The following ERBB4 variants were observed in gnomAD, a reference collection of about 807,000 sequenced individuals.
ERBB4 encodes the protein erb-b2 receptor tyrosine kinase 4.
In ERBB4, 42 loss-of-function variants were observed where a neutral mutation model predicts 158.0. The ratio of observed to expected loss-of-function variants is 0.27; its 90% CI spans 0.21 to 0.34. ERBB4 has a LOEUF of 0.34. ERBB4 is among the 10% of genes least tolerant of loss of function. The pLI, the probability that ERBB4 is intolerant of heterozygous loss-of-function variation, is 1.00. For synonymous variants in ERBB4, 583 were observed against 558.7 expected, an observed-to-expected ratio of 1.04 and a Z score of -0.61; for missense variants, 1,333 against 1,624.1, an observed-to-expected ratio of 0.82 and a Z score of 3.08.
intron 1 of ERBB4, among the ~76,000 whole-genome samples, chr2:212,288,828 C>G (rs1287705185): frequency 6.6e-6 from 1 of 152,052 alleles, no homozygotes; most frequent in Non-Finnish European, 1.5e-5. Flanking sequence ...GAGTTTCCCA[C>G]CAAGACTACC....
intron 15 of ERBB4, among the ~76,000 whole-genome samples, chr2:211,663,591 T>C (rs2071512434): frequency 6.6e-6 from 1 of 152,018 alleles, no homozygotes; most frequent in African/African-American, 2.4e-5. Context: ...CCACTATATA[T>C]GTTTATTATT....
At chr2:212,333,349 C>G (rs1480394200) in intron 1 of ERBB4, among the ~76,000 whole-genome samples, 2 of 146,676 alleles carry the variant, frequency 1.4e-5, no homozygotes, top group Non-Finnish European at 3.0e-5. Flanking sequence ...AAAACCTGTC[C>G]ACACAAAAGC....
intron 25 of ERBB4, among the ~76,000 whole-genome samples, chr2:211,415,468 C>T (rs1446521076): frequency 1.3e-5 from 2 of 152,074 alleles, no homozygotes; most frequent in Non-Finnish European, 2.9e-5. Context: ...TATCATTTTG[C>T]TCAAACTTCT....
Position 211,388,491 on chromosome 2 carries a change from C to T in ERBB4, c.3136-499G>A, listed in dbSNP as rs913003532. 2.6e-5 allele frequency among the ~76,000 whole-genome samples: 4 copies of T among 151,936 alleles called. No homozygotes were observed. In the South Asian group the frequency reaches 8.3e-4, roughly 31 times the overall value. On this transcript the variant is annotated intron_variant, in intron 25 of 27. Transcript: ENST00000342788. Reference sequence around the variant, plus strand: ...CTATCAAGCTACATTTATTTTTCACCACTTCAGCAAAAGGTAAACTCCTTA... The same window carrying T: ...CTATCAAGCTACATTTATTTTTCACTACTTCAGCAAAAGGTAAACTCCTTA...
chr2:211,653,807 T>C (rs1559384302), intron 16 of ERBB4, among the ~76,000 whole-genome samples: 1 of 152,008 alleles, frequency 6.6e-6, no homozygotes, highest in Admixed American at 6.6e-5. Flanking sequence ...CTTGAGTAGC[T>C]GGGACTACAG....
At chr2:211,910,944 A>G (rs1188114196) in intron 3 of ERBB4, among the ~76,000 whole-genome samples, 1 of 152,156 alleles carries the variant, frequency 6.6e-6, no homozygotes, top group Non-Finnish European at 1.5e-5. Flanking sequence ...TTCATACTTG[A>G]CAAAACAGAA....
chr2:212,169,066 C>G (rs899128124), intron 1 of ERBB4, among the ~76,000 whole-genome samples: 1 of 152,106 alleles, frequency 6.6e-6, no homozygotes, highest in Non-Finnish European at 1.5e-5. Flanking sequence ...GTCATTTATA[C>G]TTGGAGAATA....
chr2:212,314,521 C>A (rs1056884178), intron 1 of ERBB4, among the ~76,000 whole-genome samples: 5 of 150,348 alleles, frequency 3.3e-5, no homozygotes, highest in East Asian at 3.9e-4. Context: ...TCTTATCAAG[C>A]CTCAAAAATT....
chr2:211,810,608 C>T (rs1376365626), intron 3 of ERBB4, among the ~76,000 whole-genome samples: 8 of 150,954 alleles, frequency 5.3e-5, no homozygotes, highest in African/African-American at 9.7e-5. Flanking sequence ...ATGGGTCTCC[C>T]GAATACAACA....
At chr2:212,383,985 G>A (rs2090593732) in intron 1 of ERBB4, among the ~76,000 whole-genome samples, 1 of 151,422 alleles carries the variant, frequency 6.6e-6, no homozygotes, top group Admixed American at 6.6e-5. Context: ...TTGATCTTGT[G>A]CACGAATTTT....
intron 1 of ERBB4, among the ~76,000 whole-genome samples, chr2:212,527,255 A>C (rs1337480034): frequency 6.6e-6 from 1 of 152,148 alleles, no homozygotes; most frequent in African/African-American, 2.4e-5. Context: ...TCTAAAAATT[A>C]TCTCTATATA....
chr2:212,160,468 A>C (rs1487910134), intron 1 of ERBB4, among the ~76,000 whole-genome samples: 1 of 152,000 alleles, frequency 6.6e-6, no homozygotes, highest in Non-Finnish European at 1.5e-5. Context: ...CTTTTTTTAA[A>C]ATCTGTATCA....
intron 1 of ERBB4, among the ~76,000 whole-genome samples, chr2:212,286,594 C>CTTTTTTTTTTTTTTTT (rs71054190): frequency 3.6e-5 from 2 of 55,540 alleles, no homozygotes; most frequent in African/African-American, 1.2e-4. Flanking sequence ...TAAGTGCTGA[C>CTTTTTTTTTTTTTTTT]TTTTTTTTTT....
chr2:211,494,897 T>C (rs1201317137), intron 20 of ERBB4, among the ~76,000 whole-genome samples: 1 of 152,106 alleles, frequency 6.6e-6, no homozygotes, highest in African/African-American at 2.4e-5. Context: ...ATAGGAAATA[T>C]GCCAAAATTT....
intron 1 of ERBB4, among the ~76,000 whole-genome samples, chr2:212,268,557 T>G (rs931059862): frequency 4.6e-5 from 7 of 151,932 alleles, no homozygotes; most frequent in African/African-American, 1.7e-4. Flanking sequence ...AATTCACACA[T>G]GCATTTCATT....
chr2:212,029,780 T>G (rs1296342175), intron 2 of ERBB4, among the ~76,000 whole-genome samples: 3 of 152,062 alleles, frequency 2.0e-5, no homozygotes, highest in Admixed American at 2.0e-4. Flanking sequence ...AACATTTTGT[T>G]TAAGTTCACT....
intron 16 of ERBB4, among the ~76,000 whole-genome samples, chr2:211,644,580 C>T (rs961373676): frequency 6.6e-6 from 1 of 151,934 alleles, no homozygotes; most frequent in Non-Finnish European, 1.5e-5. Flanking sequence ...AAGGAAAAAA[C>T]CCACATCTAC....
intron 2 of ERBB4, among the ~76,000 whole-genome samples, chr2:212,038,822 C>CT (rs2077074160): frequency 6.6e-6 from 1 of 152,008 alleles, no homozygotes; most frequent in South Asian, 2.1e-4. Flanking sequence ...AAGGAAATGC[C>CT]TTTTCTTAAA....
At chr2:211,750,450 G>C (rs1575093045) in intron 5 of ERBB4, among the ~76,000 whole-genome samples, 189 bp downstream of exon 5, 1 of 152,198 alleles carries the variant, frequency 6.6e-6, no homozygotes, top group East Asian at 1.9e-4. Context: ...AGAAACCTAA[G>C]AATCAATTAT....
Sources: gnomAD v4.1 joint callset for allele counts (sites outside exome capture counted in the v4.1 genomes callset) on GRCh38, gnomAD v4.1.1 for gene constraint, MANE v1.5 for transcripts, NCBI Gene and HGNC (gene_info 2026-07-23, HGNC 2026-07-21) for gene names.